The following BATF3 variants were observed in gnomAD, a reference collection of about 807,000 sequenced individuals.
BATF3 encodes basic leucine zipper ATF-like transcription factor 3.
In BATF3, 8 loss-of-function variants were observed where a neutral mutation model predicts 16.1. The ratio of observed to expected loss-of-function variants is 0.50; its 90% CI spans 0.29 to 0.90. The LOEUF (loss-of-function observed/expected upper bound fraction) is 0.90, where lower values mean the gene tolerates loss of function less well. Among genes scored for constraint, BATF3 ranks in the 40% least tolerant of loss-of-function variants. BATF3 has a pLI of 0.08. For synonymous variants in BATF3, 74 were observed against 72.7 expected, an observed-to-expected ratio of 1.02 and a Z score of -0.09; for missense variants, 139 against 167.0, an observed-to-expected ratio of 0.83 and a Z score of 0.92.
intron 1 of BATF3, chr1:212,698,199 C>T (rs1657177213): frequency 6.6e-6 from 1 of 152,180 alleles, no homozygotes; most frequent in African/African-American, 2.4e-5. Flanking sequence ...GCAAAGAAGT[C>T]TTGATAAACA....
chr1:212,693,855 C>G (rs535469859), intron 2 of BATF3, among the ~76,000 whole-genome samples: 1 of 152,154 alleles, frequency 6.6e-6, no homozygotes, highest in Admixed American at 6.5e-5. Flanking sequence ...ACCTTCTGTG[C>G]TAGGCAGCAT....
intron 2 of BATF3, among the ~76,000 whole-genome samples, chr1:212,688,003 G>GAAAGAAAGAAAGAAAGAAAGAAAA (rs56670913): frequency 1.1e-5 from 1 of 90,418 alleles, no homozygotes; most frequent in African/African-American, 4.1e-5. Flanking sequence ...AAGAAAGGAA[G>GAAAGAAAGAAAGAAAGAAAGAAAA]GAAGGAAGGA....
At chr1:212,693,400 G>A (rs1028209992) in intron 2 of BATF3, among the ~76,000 whole-genome samples, 2 of 152,190 alleles carry the variant, frequency 1.3e-5, no homozygotes, top group African/African-American at 4.8e-5. Flanking sequence ...CAGCTCTGGG[G>A]TCTGTATACA....
Position 212,689,919 on chromosome 1 carries a change from ACT to A in BATF3, c.196-2942_196-2941del, listed in dbSNP as rs1056352736. Among the ~76,000 whole-genome samples, 3 of 151,128 alleles carry A rather than the reference ACT, an allele frequency of 2.0e-5. No homozygotes were observed. Among genetic ancestry groups the A allele is most frequent in the African/African-American group, 7.3e-5 (3 of 40,898 alleles). Reference sequence around the variant, plus strand: ...CACACTCTCATACCCAGCCACAGACACTCTCACACACATACACAATCAACACA... The same window carrying A: ...CACACTCTCATACCCAGCCACAGACACTCACACACATACACAATCAACACA... On this transcript the variant is annotated intron_variant, in intron 2 of 2. Coordinates refer to ENST00000243440, the MANE Select transcript of BATF3 (RefSeq NM_018664.3). This position sits in a 1 kb window ranked among gnomAD's most constrained non-coding sequence, Gnocchi z 4.6.
At position 212,689,991 on chromosome 1, in the gene BATF3, CACAT is replaced by C. The variant is rs1033145390; in HGVS notation, c.196-3016_196-3013del. On this transcript the variant is annotated intron_variant, in intron 2 of 2. Transcript: ENST00000243440. The surrounding 1 kb of genome is among the most constrained non-coding windows in gnomAD (Gnocchi z 4.6). ...ACAGTCACACACATACAGTCATACA[CACAT>C]ACATACACCTCACACAGTCACACAC... 4.6e-5 allele frequency among the ~76,000 whole-genome samples: 7 copies of C among 151,798 alleles called. No homozygotes were observed. Among genetic ancestry groups the C allele is most frequent in the Non-Finnish European group, 8.8e-5 (6 of 67,906 alleles).
intron 2 of BATF3, among the ~76,000 whole-genome samples, chr1:212,694,044 G>A (rs1571835234): frequency 6.6e-6 from 1 of 152,336 alleles, no homozygotes; most frequent in East Asian, 1.9e-4. Flanking sequence ...GAAAGAGGGT[G>A]TCGGGGAGTC....
chr1:212,692,560 C>T (rs1263245257), intron 2 of BATF3, among the ~76,000 whole-genome samples: 1 of 152,144 alleles, frequency 6.6e-6, no homozygotes, highest in Non-Finnish European at 1.5e-5. Context: ...GCCTCAGCCT[C>T]CCGAGTAGTT....
Position 212,699,579 on chromosome 1 carries a change from T to C in BATF3, c.90+94A>G. On this transcript the variant is annotated intron_variant, in intron 1 of 2. Coordinates refer to ENST00000243440, the MANE Select transcript of BATF3 (RefSeq NM_018664.3). The surrounding 1 kb of genome is among the most constrained non-coding windows in gnomAD (Gnocchi z 4.4). ...ACCCGCCACCTCTGCACCTCCGCAG[T>C]CACCACCACGGAACTCCAGCACCCA... 9.5e-7 allele frequency: 1 copy of C among 1,055,780 alleles called. No individual in the cohort carries two copies. Among genetic ancestry groups the C allele is most frequent in the Non-Finnish European group, 1.2e-6 (1 of 826,894 alleles). The allele number at this position is 1,055,780 out of a possible 1,614,324, so 65.4% of individuals were successfully genotyped here. A position where few individuals can be genotyped will look rare whatever the true frequency, so the allele number is the denominator to read the frequency against.
rs1304708084 is a variant in BATF3, at chr1:212,689,950, TCACA to T, written c.196-2975_196-2972del. ...ACACACATACACAATCAACACACAG[TCACA>T]CAAACACTCTCACAGTCACACACAT... On this transcript the variant is annotated intron_variant, in intron 2 of 2. Coordinates refer to ENST00000243440, the MANE Select transcript of BATF3 (RefSeq NM_018664.3). The surrounding 1 kb of genome is among the most constrained non-coding windows in gnomAD (Gnocchi z 4.6). Among the ~76,000 whole-genome samples, 5 of 149,006 alleles carry T rather than the reference TCACA, an allele frequency of 3.4e-5. No homozygotes were observed. The highest frequency in any genetic ancestry group is 2.0e-4 in the East Asian group (1 of 5,092).
Position 212,686,676 on chromosome 1 carries a change from C to T in BATF3, c.*115G>A. On this transcript the variant is annotated 3_prime_UTR_variant, in exon 3 of 3. Coordinates refer to ENST00000243440, the MANE Select transcript of BATF3 (RefSeq NM_018664.3). ...AACACAGCTGGCTGGTCCTGGAGCT[C>T]CCAGGAGGAGGCCTGGCCACAGGTG... 1 of 1,432,358 alleles carries T rather than the reference C, an allele frequency of 7.0e-7. No individual in the cohort carries two copies. Among genetic ancestry groups the T allele is most frequent in the South Asian group, 1.4e-5 (1 of 69,742 alleles). 88.7% of individuals were successfully genotyped at this position (1,432,358 alleles called of 1,614,324 possible).
In BATF3 at chr1:212,689,755, A is replaced by G. The variant is rs1656951364; in HGVS notation, c.196-2776T>C. On this transcript the variant is annotated intron_variant, in intron 2 of 2. Coordinates refer to ENST00000243440, the MANE Select transcript of BATF3 (RefSeq NM_018664.3). The surrounding 1 kb of genome is among the most constrained non-coding windows in gnomAD (Gnocchi z 4.6). ...CACACACTCTTACACACATACACATATACACACACTCACACACGTCCGCAA... is the reference window on the plus strand; with the variant it reads ...CACACACTCTTACACACATACACATGTACACACACTCACACACGTCCGCAA... Among the ~76,000 whole-genome samples the G allele has an allele frequency of 1.3e-5, 2 of 151,478 alleles. No individual in the cohort carries two copies.
At position 212,699,377 on chromosome 1, in the gene BATF3, C is replaced by A. The variant is rs935755501; in HGVS notation, c.90+296G>T. ...TGCGGAGCCCACGTGCCGGGGAGCA[C>A]CGGCCATGCCCGGCCCAGCCAGGCG... On this transcript the variant is annotated intron_variant, in intron 1 of 2. Coordinates refer to ENST00000243440, the MANE Select transcript of BATF3 (RefSeq NM_018664.3). This position sits in a 1 kb window ranked among gnomAD's most constrained non-coding sequence, Gnocchi z 4.4. Among the ~76,000 whole-genome samples the A allele has an allele frequency of 3.9e-5, 6 of 152,272 alleles. No individual in the cohort carries two copies. In the South Asian group the frequency reaches 1.0e-3, roughly 26 times the overall value.
At chr1:212,693,329 T>C (rs1657044741) in intron 2 of BATF3, among the ~76,000 whole-genome samples, 1 of 152,170 alleles carries the variant, frequency 6.6e-6, no homozygotes, top group African/African-American at 2.4e-5. Context: ...GTCGTCTGCT[T>C]CCTCACCCGC....
Position 212,699,668 on chromosome 1 carries a change from T to C in BATF3, c.90+5A>G. 1.5e-6 allele frequency: 2 copies of C among 1,330,666 alleles called. No homozygotes were observed. Among genetic ancestry groups the C allele is most frequent in the Non-Finnish European group, 9.6e-7 (1 of 1,037,514 alleles). 82.4% of individuals were successfully genotyped at this position (1,330,666 alleles called of 1,614,324 possible). Reference sequence around the variant, plus strand: ...ACGGCCCTCCCTGAGCCTCTCGCCCTCTACCTGCTGCTGCGGCTGCGGCTG... The same window carrying C: ...ACGGCCCTCCCTGAGCCTCTCGCCCCCTACCTGCTGCTGCGGCTGCGGCTG... On this transcript the variant is annotated splice_donor_5th_base_variant and intron_variant, in intron 1 of 2. Coordinates refer to ENST00000243440, the MANE Select transcript of BATF3 (RefSeq NM_018664.3). The surrounding 1 kb of genome is among the most constrained non-coding windows in gnomAD (Gnocchi z 4.4).
In BATF3 at chr1:212,689,773, G is replaced by A. The variant is rs965969004; in HGVS notation, c.196-2794C>T. Among the ~76,000 whole-genome samples, 3 of 147,962 alleles carry A rather than the reference G, an allele frequency of 2.0e-5. No homozygotes were observed. Among genetic ancestry groups the A allele is most frequent in the Non-Finnish European group, 3.0e-5 (2 of 66,788 alleles). ...TACACATATACACACACTCACACAC[G>A]TCCGCAAACACACTCACACACTCTC... On this transcript the variant is annotated intron_variant, in intron 2 of 2. Transcript: ENST00000243440. This position sits in a 1 kb window ranked among gnomAD's most constrained non-coding sequence, Gnocchi z 4.6.
In BATF3 at chr1:212,686,643, C is replaced by T. The variant is rs1656856346; in HGVS notation, c.*148G>A. On this transcript the variant is annotated 3_prime_UTR_variant, in exon 3 of 3. Coordinates refer to ENST00000243440, the MANE Select transcript of BATF3 (RefSeq NM_018664.3). Reference sequence around the variant, plus strand: ...TGTTGGATGTCGGGCTGAGCCCAGTCTGCAGGGAACACAGCTGGCTGGTCC... The same window carrying T: ...TGTTGGATGTCGGGCTGAGCCCAGTTTGCAGGGAACACAGCTGGCTGGTCC... 8.9e-6 allele frequency: 12 copies of T among 1,341,802 alleles called. No individual in the cohort carries two copies. Among genetic ancestry groups the T allele is most frequent in the Non-Finnish European group, 7.9e-6 (8 of 1,015,110 alleles). The allele number at this position is 1,341,802 out of a possible 1,614,324, so 83.1% of individuals were successfully genotyped here.
chr1:212,694,442 C>G (rs1438864289), intron 2 of BATF3, among the ~76,000 whole-genome samples: 1 of 152,026 alleles, frequency 6.6e-6, no homozygotes, highest in Non-Finnish European at 1.5e-5. Flanking sequence ...AATGGCAATG[C>G]CTTGGTATTT....
At position 212,689,681 on chromosome 1, in the gene BATF3, G is replaced by GCA. The variant is rs1185090420; in HGVS notation, c.196-2704_196-2703dup. ...CAGCAGAGGGATGAGAAAAGCTGCA[G>GCA]CACACACACACGTCTGCAAACACAC... On this transcript the variant is annotated intron_variant, in intron 2 of 2. Coordinates refer to ENST00000243440, the MANE Select transcript of BATF3 (RefSeq NM_018664.3). The surrounding 1 kb of genome is among the most constrained non-coding windows in gnomAD (Gnocchi z 4.6). 6.6e-6 allele frequency among the ~76,000 whole-genome samples: 1 copy of GCA among 151,840 alleles called. No homozygotes were observed. Among genetic ancestry groups the GCA allele is most frequent in the African/African-American group, 2.4e-5 (1 of 41,302 alleles).
chr1:212,689,444 G>A lies in BATF3; in HGVS notation c.196-2465C>T, dbSNP rs556956746. On this transcript the variant is annotated intron_variant, in intron 2 of 2. Transcript: ENST00000243440. This position sits in a 1 kb window ranked among gnomAD's most constrained non-coding sequence, Gnocchi z 4.6. The stretch of plus-strand genomic sequence containing the variant: ...GGGCAGCAAGCTGTTCTGGGGCCAT[G>A]TGGCTTCACCAGTACACTGGCCCCA... 3.3e-5 allele frequency among the ~76,000 whole-genome samples: 5 copies of A among 152,298 alleles called. No homozygotes were observed. The highest frequency in any genetic ancestry group is 1.2e-4 in the African/African-American group (5 of 41,560).
Sources: allele counts gnomAD v4.1 joint callset (sites outside exome capture counted in the v4.1 genomes callset), GRCh38; gene constraint gnomAD v4.1.1; non-coding constraint Gnocchi (gnomAD v3.1); transcripts MANE v1.5; gene names NCBI Gene and HGNC (gene_info 2026-07-23, HGNC 2026-07-21).